LGSN: variants seen among roughly 807,000 people sequenced by gnomAD.
LGSN encodes the protein lengsin, lens protein with glutamine synthetase domain, also known as lengsin.
In LGSN, 21 loss-of-function variants were observed where a neutral mutation model predicts 19.5. The observed-to-expected ratio is 1.07, with a 90% confidence interval of 0.76 to 1.55. LGSN has a LOEUF of 1.55. LGSN is among the 40% of genes most tolerant of loss of function. The probability of loss-of-function intolerance (pLI) is 0.00; values close to 1 mark genes in which losing one functional copy is unlikely to be tolerated. For synonymous variants in LGSN, 257 were observed against 215.6 expected, an observed-to-expected ratio of 1.19 and a Z score of -1.68; for missense variants, 673 against 608.5, an observed-to-expected ratio of 1.11 and a Z score of -1.12.
chr6:63,420,731 A>G, the LGSN span, among the ~76,000 whole-genome samples: 3 of 152,238 alleles, frequency 2.0e-5, no homozygotes, highest in South Asian at 2.1e-4. Context: ...CCAGGTTTCC[A>G]TTGAAAATCA....
the LGSN span, among the ~76,000 whole-genome samples, chr6:63,419,880 CAAAAAAAAAAAAAAAA>C: frequency 8.7e-5 from 5 of 57,338 alleles, no homozygotes; most frequent in Admixed American, 2.6e-4. Context: ...AACTCCCTCC[CAAAAAAAAAAAAAAAA>C]AAAAAAAAAA....
chr6:63,495,814 G>T, the LGSN span, among the ~76,000 whole-genome samples: 4 of 151,892 alleles, frequency 2.6e-5, no homozygotes, highest in Admixed American at 1.3e-4. Context: ...AATAAATACT[G>T]CATAAGCCTG....
chr6:63,277,644 C>T lies in LGSN; in HGVS notation c.*2377G>A, dbSNP rs1767137274. 7.3e-6 allele frequency: 1 copy of T among 137,592 alleles called. No homozygotes were observed. The highest frequency in any genetic ancestry group is 7.3e-5 in the Admixed American group (1 of 13,622). 8.5% of individuals were successfully genotyped at this position (137,592 alleles called of 1,614,324 possible). A position where few individuals can be genotyped will look rare whatever the true frequency, so the allele number is the denominator to read the frequency against. On this transcript the variant is annotated 3_prime_UTR_variant, in exon 4 of 4. Transcript: ENST00000370657. Reference sequence around the variant, plus strand: ...CAAACTGCTCTACAAAGCAGAGATTCCACCTTATTACTGTACCCTGTGGAG... The same window carrying T: ...CAAACTGCTCTACAAAGCAGAGATTTCACCTTATTACTGTACCCTGTGGAG...
intron 2 of LGSN, 49 bp downstream of exon 2, chr6:63,294,864 A>G: frequency 6.3e-7 from 1 of 1,576,008 alleles, no homozygotes; most frequent in Middle Eastern, 1.7e-4. Flanking sequence ...GACCAAATGG[A>G]GATTGCCTCT....
chr6:63,421,667 G>T, the LGSN span, among the ~76,000 whole-genome samples: 1 of 152,078 alleles, frequency 6.6e-6, no homozygotes, highest in Non-Finnish European at 1.5e-5. Flanking sequence ...GGCGGAGGTT[G>T]CAATGAGCCA....
chr6:63,341,359 T>C, the LGSN span, among the ~76,000 whole-genome samples: 1 of 152,196 alleles, frequency 6.6e-6, no homozygotes, highest in African/African-American at 2.4e-5. Context: ...GTGTAGGCAC[T>C]GGCAGTGGTG....
At chr6:63,572,613 ACCACCGCCGCCTCCTGCCCTGCAG>A in the LGSN span, 1 of 419,746 alleles carries the variant, frequency 2.4e-6, no homozygotes, top group South Asian at 1.1e-4. Context: ...CTCCGCCACG[ACCACCGCCGCCTCCTGCCCTGCAG>A]CCACCGCCAC....
At chr6:63,414,962 A>G in the LGSN span, among the ~76,000 whole-genome samples, 1 of 152,140 alleles carries the variant, frequency 6.6e-6, no homozygotes, top group African/African-American at 2.4e-5. Flanking sequence ...AAAAATGGAG[A>G]CTTTTTAAAA....
Position 63,280,132 on chromosome 6 carries a change from T to C in LGSN, c.1419A>G (p.Arg473=). Residue 473 remains arginine (R), a synonymous_variant, in exon 4 of 4, where the codon AGA becomes AGG. Transcript: ENST00000370657. ...LVALEEDQCL[R]QALGETFIRY... is the part of the protein sequence containing the mutation. ...GAATAAAGGTTTCTCCTAGAGCCTG[T>C]CTCAGGCATTGATCTTCTTCCAGTG... 1 of 1,614,234 alleles carries C rather than the reference T, an allele frequency of 6.2e-7. No homozygotes were observed. Among genetic ancestry groups the C allele is most frequent in the South Asian group, 1.1e-5 (1 of 91,088 alleles).
chr6:63,309,125 T>C (rs1217621275), intron 1 of LGSN, among the ~76,000 whole-genome samples: 1 of 152,152 alleles, frequency 6.6e-6, no homozygotes, highest in African/African-American at 2.4e-5. Context: ...TTTCAAGTGA[T>C]TTACCATTTA....
Position 63,279,077 on chromosome 6 carries a change from G to C in LGSN, c.*944C>G, listed in dbSNP as rs999766081. 4 of 152,158 alleles carry C rather than the reference G, an allele frequency of 2.6e-5. No individual in the cohort carries two copies. Among genetic ancestry groups the C allele is most frequent in the African/African-American group, 9.7e-5 (4 of 41,438 alleles). The allele number at this position is 152,158 out of a possible 1,614,324, so 9.4% of individuals were successfully genotyped here. A position where few individuals can be genotyped will look rare whatever the true frequency, so the allele number is the denominator to read the frequency against. On this transcript the variant is annotated 3_prime_UTR_variant, in exon 4 of 4. Transcript: ENST00000370657. ...TGGAACAGGTAATATTCTCTGGGGA[G>C]GTACCAACCTCTGTGAGCAGCAGAT... is the stretch of plus-strand genomic sequence containing the variant.
At chr6:63,472,344 G>T in the LGSN span, among the ~76,000 whole-genome samples, 1 of 152,154 alleles carries the variant, frequency 6.6e-6, no homozygotes, top group South Asian at 2.1e-4. Context: ...TAAAGGTGGA[G>T]AAATAGCAAG....
At chr6:63,487,712 T>G in the LGSN span, among the ~76,000 whole-genome samples, 1 of 152,092 alleles carries the variant, frequency 6.6e-6, no homozygotes, top group Non-Finnish European at 1.5e-5. Context: ...TGAGCGTGGT[T>G]GCTCACGCCT....
chr6:63,323,420 A>G (rs1582059541), upstream of LGSN, among the ~76,000 whole-genome samples: 1 of 152,210 alleles, frequency 6.6e-6, no homozygotes, highest in East Asian at 1.9e-4. Context: ...TCTACTGTCT[A>G]TTCACAGAAG....
chr6:63,291,131 A>G (rs1018548819), intron 2 of LGSN, among the ~76,000 whole-genome samples: 1 of 152,168 alleles, frequency 6.6e-6, no homozygotes, highest in African/African-American at 2.4e-5. Flanking sequence ...ACTGCACTCA[A>G]ACCACTTATG....
At chr6:63,427,806 T>G in the LGSN span, among the ~76,000 whole-genome samples, 1 of 152,158 alleles carries the variant, frequency 6.6e-6, no homozygotes, top group Non-Finnish European at 1.5e-5. Flanking sequence ...TTAAATATAC[T>G]CTGGCTCCCT....
the LGSN span, among the ~76,000 whole-genome samples, chr6:63,469,947 C>A: frequency 6.6e-6 from 1 of 152,144 alleles, no homozygotes; most frequent in Non-Finnish European, 1.5e-5. Flanking sequence ...AACTCCCAAC[C>A]TCAGGTGATC....
At chr6:63,544,630 T>C in the LGSN span, among the ~76,000 whole-genome samples, 4 of 152,164 alleles carry the variant, frequency 2.6e-5, no homozygotes, top group Non-Finnish European at 5.9e-5. Flanking sequence ...GGATCAGTTA[T>C]TATTTATCTT....
chr6:63,517,663 CAT>C, the LGSN span, among the ~76,000 whole-genome samples: 10 of 152,188 alleles, frequency 6.6e-5, no homozygotes, highest in Admixed American at 2.6e-4. Context: ...CATACACACA[CAT>C]ATATATGACT....
Sources: allele counts gnomAD v4.1 joint callset (sites outside exome capture counted in the v4.1 genomes callset), GRCh38; gene constraint gnomAD v4.1.1; transcripts MANE v1.5; gene names NCBI Gene and HGNC (gene_info 2026-07-23, HGNC 2026-07-21).